Variants in ZNF451 observed in about 807,000 individuals in gnomAD.
ZNF451 encodes E3 SUMO-protein ligase ZNF451.
Under a neutral mutation model 107.1 loss-of-function variants are expected in ZNF451, and 80 were observed. The ratio of observed to expected loss-of-function variants is 0.75; its 90% confidence interval spans 0.62 to 0.90. The LOEUF is 0.90. ZNF451 is among the 40% of genes least tolerant of loss of function. The pLI is 0.00. For missense variants in ZNF451, 1,107 were observed against 1,236.2 expected (o/e 0.90, Z 1.57); for synonymous variants, 362 against 406.5 (o/e 0.89, Z 1.32).
intron 3 of ZNF451, among the ~76,000 whole-genome samples, chr6:57,121,153 AT>A: frequency 6.6e-6 from 1 of 152,136 alleles, no homozygotes; most frequent in South Asian, 2.1e-4. Flanking sequence ...TCTTTTCTCC[AT>A]TGTATTGTTT....
chr6:57,109,434 C>G, intron 3 of ZNF451: 1 of 985,350 alleles, frequency 1.0e-6, no homozygotes, highest in Non-Finnish European at 1.2e-6. Flanking sequence ...TTTTCTGAGC[C>G]TCAGTTTTCT....
chr6:57,104,247 T>C (rs1829741612), intron 3 of ZNF451: 5 of 985,306 alleles, frequency 5.1e-6, no homozygotes, highest in Admixed American at 6.1e-5. Context: ...TTGTAGCTTA[T>C]GTGTATTGCA....
chr6:57,148,181 A>G lies in ZNF451; in HGVS notation c.2096A>G (p.Glu699Gly). ...AGCATAGATTATGTATTTGTGTCAG[A>G]AAAAACTGAAACTTCAATTAAAACC... is the stretch of plus-strand genomic sequence containing the variant. ...HHSIDYVFVS[E>G]KTETSIKTED... Residue 699 changes from glutamate (E) to glycine (G), a missense_variant, in exon 10 of 15, where the codon GAA becomes GGA. Physicochemically the swap from Glu to Gly is moderately conservative, Grantham distance 98. This residue lies in a region of ZNF451 where 608 missense variants were observed against 649.2 expected (regional missense o/e 0.94). Transcript: ENST00000370706. 4 of 1,614,084 alleles carry G rather than the reference A, an allele frequency of 2.5e-6. No individual in the cohort carries two copies. The highest frequency in any genetic ancestry group is 2.2e-5 in the South Asian group (2 of 91,072).
chr6:57,163,435 A>ATTTTT (rs1562631987), intron 14 of ZNF451, among the ~76,000 whole-genome samples: 1 of 50,874 alleles, frequency 2.0e-5, no homozygotes, highest in African/African-American at 6.4e-5. Flanking sequence ...AAATGAATAA[A>ATTTTT]CTTTTTTTTT....
In ZNF451 at chr6:57,168,522, A is replaced by G. The variant is rs761355963; in HGVS notation, c.*53A>G. On this transcript the variant is annotated 3_prime_UTR_variant, in exon 15 of 15. Transcript: ENST00000370706. ...TGGCCTTGAAGAGACTGAGATAACGAATTCTTGAGTTTGTTTTCTAAAGGA... is the reference window on the plus strand; with the variant it reads ...TGGCCTTGAAGAGACTGAGATAACGGATTCTTGAGTTTGTTTTCTAAAGGA... The G allele has an allele frequency of 3.8e-5, 54 of 1,415,228 alleles. No homozygotes were observed. The highest frequency in any genetic ancestry group is 5.0e-5 in the Non-Finnish European group (51 of 1,012,266). 87.7% of individuals were successfully genotyped at this position (1,415,228 alleles called of 1,614,324 possible). A position where few individuals can be genotyped will look rare whatever the true frequency, so the allele number is the denominator to read the frequency against.
chr6:57,168,202 G>A (rs1763983171), intron 14 of ZNF451, among the ~76,000 whole-genome samples: 1 of 152,080 alleles, frequency 6.6e-6, no homozygotes, highest in Non-Finnish European at 1.5e-5. Context: ...TAACTTGCAA[G>A]TTCTAAGTTC....
rs759542524 is a variant in ZNF451, at chr6:57,148,610, G to T, written c.2525G>T (p.Arg842Ile). 17 of 1,613,910 alleles carry T rather than the reference G, an allele frequency of 1.1e-5. No homozygotes were observed. The highest frequency in any genetic ancestry group is 1.4e-5 in the Non-Finnish European group (16 of 1,179,936). ...KFTASASHTE[R>I]KLKQAINYSK... ...ACTGCTAGTGCCTCACATACAGAGA[G>T]AAAACTGAAACAGGCAATAAACTAT... Residue 842 changes from arginine (R) to isoleucine (I), a missense_variant, in exon 10 of 15, where the codon AGA becomes ATA. By Grantham distance (97) the Arg-to-Ile change is moderately conservative. Around this residue, in one of 5 missense-constraint regions of ZNF451, gnomAD observed 608 missense variants for 649.2 expected, o/e 0.94. Coordinates refer to ENST00000370706, the MANE Select transcript of ZNF451 (RefSeq NM_001031623.3).
At chr6:57,137,540 T>C (rs1325970585) in intron 7 of ZNF451, among the ~76,000 whole-genome samples, 1 of 152,196 alleles carries the variant, frequency 6.6e-6, no homozygotes, top group Non-Finnish European at 1.5e-5. Context: ...ATACTTTGAG[T>C]AGCAAGTTTC....
intron 9 of ZNF451, 101 bp downstream of exon 9, chr6:57,142,196 T>G: frequency 7.3e-7 from 1 of 1,378,080 alleles, no homozygotes; most frequent in Non-Finnish European, 9.7e-7. Flanking sequence ...CCTTTTAAAA[T>G]GAGAATATAC....
At chr6:57,158,851 G>A (rs2127986457) in intron 13 of ZNF451, 1 of 985,446 alleles carries the variant, frequency 1.0e-6, no homozygotes, top group East Asian at 1.1e-4. Flanking sequence ...TTGTGGATGA[G>A]TGGGTTAGAA....
intron 4 of ZNF451, among the ~76,000 whole-genome samples, chr6:57,125,144 T>C (rs886353380): frequency 6.6e-6 from 1 of 152,180 alleles, no homozygotes; most frequent in Non-Finnish European, 1.5e-5. Context: ...AATTAACAAG[T>C]TTCTGGTTAT....
Position 57,148,277 on chromosome 6 carries a change from A to G in ZNF451, c.2192A>G (p.Lys731Arg), listed in dbSNP as rs1832178622. The G allele has an allele frequency of 1.2e-6, 2 of 1,614,040 alleles. No individual in the cohort carries two copies. The highest frequency in any genetic ancestry group is 2.2e-5 in the South Asian group (2 of 91,066). ...GGTTGCCGTGAGAGTTACATCTGTA[A>G]AGTCAACAGAAAAGAAGATTATAGC... ...TCGCRESYIC[K>R]VNRKEDYSRC... Residue 731 changes from lysine to arginine, a missense_variant, in exon 10 of 15, where the codon AAA becomes AGA. Coordinates refer to ENST00000370706, the MANE Select transcript of ZNF451 (RefSeq NM_001031623.3).
chr6:57,140,069 TATTGCAAAATGGAAA>T (rs1216986337), intron 7 of ZNF451, among the ~76,000 whole-genome samples: 3 of 151,562 alleles, frequency 2.0e-5, no homozygotes, highest in Non-Finnish European at 2.9e-5. Context: ...TTTGAAAAAA[TATTGCAAAATGGAAA>T]ATGAGGCAGA....
chr6:57,162,325 G>A (rs1763704757), intron 14 of ZNF451, among the ~76,000 whole-genome samples: 1 of 152,140 alleles, frequency 6.6e-6, no homozygotes, highest in Non-Finnish European at 1.5e-5. Context: ...GAGCATACTA[G>A]AACTTTATGC....
intron 2 of ZNF451, among the ~76,000 whole-genome samples, chr6:57,095,428 G>A (rs1008370533): frequency 9.3e-5 from 14 of 150,454 alleles, no homozygotes; most frequent in African/African-American, 3.4e-4. Flanking sequence ...GAACTCCTAG[G>A]CTCAAGCAAT....
intron 3 of ZNF451, among the ~76,000 whole-genome samples, chr6:57,117,612 C>T (rs773655027): frequency 2.6e-5 from 4 of 152,040 alleles, no homozygotes; most frequent in Non-Finnish European, 5.9e-5. Flanking sequence ...TAAGAATATA[C>T]TTATGTGACT....
intron 7 of ZNF451, 54 bp from the exon 8 acceptor site, chr6:57,141,248 G>T: frequency 7.2e-7 from 1 of 1,388,098 alleles, no homozygotes; most frequent in Admixed American, 2.6e-5. Flanking sequence ...TTTTTTTCAA[G>T]AACTTGAGTG....
chr6:57,107,632 G>A (rs1329345471), intron 3 of ZNF451: 16 of 985,084 alleles, frequency 1.6e-5, no homozygotes, highest in South Asian at 9.4e-5. Context: ...CCCGTTTTCC[G>A]TAGATGTTAA....
chr6:57,117,175 T>G (rs1275799408), intron 3 of ZNF451, among the ~76,000 whole-genome samples: 1 of 152,148 alleles, frequency 6.6e-6, no homozygotes, highest in Non-Finnish European at 1.5e-5. Flanking sequence ...ATCAGAAGTG[T>G]TTGGGTTTTA....
Sources: gnomAD v4.1 joint callset for allele counts (sites outside exome capture counted in the v4.1 genomes callset) on GRCh38, gnomAD v4.1.1 for gene constraint, gnomAD v4.1.1 regional missense constraint, MANE v1.5 for transcripts, NCBI Gene and HGNC (gene_info 2026-07-23, HGNC 2026-07-21) for gene names.